XXYLT1: variants seen among roughly 807,000 people sequenced by gnomAD.
XXYLT1 encodes xyloside xylosyltransferase 1.
A neutral mutation model predicts 28.9 loss-of-function variants in XXYLT1; 20 were observed. That is an observed-to-expected ratio of 0.69 (90% CI 0.49 to 1.00). XXYLT1 has a LOEUF of 1.00. XXYLT1 is among the 50% of genes least tolerant of loss of function. The pLI, the probability that XXYLT1 is intolerant of heterozygous loss-of-function variation, is 0.00. For synonymous variants in XXYLT1, 257 were observed against 253.8 expected, an observed-to-expected ratio of 1.01 and a Z score of -0.12; for missense variants, 542 against 560.1, an observed-to-expected ratio of 0.97 and a Z score of 0.33.
At chr3:195,212,058 T>G (rs1173309303) in intron 2 of XXYLT1, among the ~76,000 whole-genome samples, 7 of 116,430 alleles carry the variant, frequency 6.0e-5, no homozygotes, top group Non-Finnish European at 1.0e-4. Flanking sequence ...CGGGAAGATC[T>G]GGAGGAGGAG....
intron 3 of XXYLT1, among the ~76,000 whole-genome samples, chr3:195,119,086 G>C (rs1425835462): frequency 6.6e-6 from 1 of 151,878 alleles, no homozygotes; most frequent in East Asian, 1.9e-4. Context: ...GACCAGCCTG[G>C]CCAGCATGGT....
chr3:195,095,444 G>A (rs1369634538), intron 3 of XXYLT1: 2 of 153,834 alleles, frequency 1.3e-5, no homozygotes, highest in Non-Finnish European at 2.9e-5. Context: ...CAGAACCTGT[G>A]CCCCATATGG....
At chr3:195,134,706 G>C (rs1437666096) in intron 3 of XXYLT1, 1 of 155,912 alleles carries the variant, frequency 6.4e-6, no homozygotes, top group African/African-American at 2.4e-5. Flanking sequence ...TCCCCGGTAA[G>C]AAATGTATGT....
intron 2 of XXYLT1, among the ~76,000 whole-genome samples, chr3:195,169,257 G>A (rs2108710760): frequency 6.6e-6 from 1 of 152,362 alleles, no homozygotes; most frequent in African/African-American, 2.4e-5. Context: ...CTCCATCCCG[G>A]CACGGCAGCC....
At chr3:195,258,268 G>A (rs1440347253) in intron 1 of XXYLT1, among the ~76,000 whole-genome samples, 6 of 152,142 alleles carry the variant, frequency 3.9e-5, no homozygotes, top group African/African-American at 1.4e-4. Context: ...CCAGGCATAG[G>A]AGCAGGCTCT....
intron 3 of XXYLT1, among the ~76,000 whole-genome samples, chr3:195,145,687 T>G (rs563766237): frequency 6.6e-6 from 1 of 152,394 alleles, no homozygotes; most frequent in East Asian, 1.9e-4. Context: ...TTCACATTTC[T>G]GAAAGTCCAT....
At chr3:195,201,907 G>C (rs767376713) in intron 2 of XXYLT1, among the ~76,000 whole-genome samples, 3 of 152,152 alleles carry the variant, frequency 2.0e-5, no homozygotes, top group East Asian at 3.8e-4. Context: ...GGCCGGGCGC[G>C]GTGGCTCACA....
At chr3:195,167,427 C>T (rs768557268) in intron 2 of XXYLT1, among the ~76,000 whole-genome samples, 2 of 152,220 alleles carry the variant, frequency 1.3e-5, no homozygotes, top group South Asian at 2.1e-4. Flanking sequence ...CCCATCTCTA[C>T]TAAAAATACA....
intron 2 of XXYLT1, among the ~76,000 whole-genome samples, chr3:195,174,923 C>T (rs955106129): frequency 1.3e-5 from 2 of 152,040 alleles, no homozygotes; most frequent in African/African-American, 4.8e-5. Context: ...CACAGTTGTA[C>T]ATCTGTTTGT....
At chr3:195,073,967 G>A (rs958528911) in intron 3 of XXYLT1, among the ~76,000 whole-genome samples, 2 of 152,128 alleles carry the variant, frequency 1.3e-5, no homozygotes, top group Non-Finnish European at 2.9e-5. Flanking sequence ...CGAGAGAGCC[G>A]GGCTGGAGAA....
chr3:195,186,776 T>C (rs73063144), intron 2 of XXYLT1, among the ~76,000 whole-genome samples: 4,973 of 152,152 alleles, frequency 0.033, 287 homozygotes, highest in African/African-American at 0.11. Flanking sequence ...CCCCATGTCC[T>C]TAGCACCTAG....
intron 2 of XXYLT1, among the ~76,000 whole-genome samples, chr3:195,225,858 C>T (rs573785941): frequency 2.5e-4 from 38 of 152,308 alleles, no homozygotes; most frequent in East Asian, 3.9e-4. Flanking sequence ...CTTGGCACTT[C>T]TCCTTGGTGT....
In XXYLT1 at chr3:195,180,038, C is replaced by T. The variant is rs1363524750; in HGVS notation, c.653-23457G>A. On this transcript the variant is annotated intron_variant, in intron 2 of 3. Transcript: ENST00000310380. This position sits in a 1 kb window ranked among gnomAD's most constrained non-coding sequence, Gnocchi z 5.8. ...CAGGCAGAGTCGGGCCAGGGTGCGG[C>T]TGAGTGACGGAGCGCCTGGTGAGGG... Among the ~76,000 whole-genome samples, 1 of 152,146 alleles carries T rather than the reference C, an allele frequency of 6.6e-6. No individual in the cohort carries two copies. Among genetic ancestry groups the T allele is most frequent in the Admixed American group, 6.5e-5 (1 of 15,280 alleles).
chr3:195,103,372 T>G (rs1161744168), intron 3 of XXYLT1, among the ~76,000 whole-genome samples: 2 of 150,856 alleles, frequency 1.3e-5, no homozygotes, highest in African/African-American at 4.9e-5. Flanking sequence ...GCCAGCGGCC[T>G]GCGTCCATCA....
In XXYLT1 at chr3:195,069,762, C is replaced by T. The variant is rs570090519; in HGVS notation, c.1135G>A (p.Val379Ile). The T allele has an allele frequency of 9.9e-6, 16 of 1,613,982 alleles. No individual in the cohort carries two copies. Among genetic ancestry groups the T allele is most frequent in the South Asian group, 8.8e-5 (8 of 91,080 alleles). Reference sequence around the variant, plus strand: ...TTGCAGTTCCCGTGGTAGATCTTGACGTGGCCCTCACACCTGAAATAGGCC... The same window carrying T: ...TTGCAGTTCCCGTGGTAGATCTTGATGTGGCCCTCACACCTGAAATAGGCC... ...FEAYFRCEGH[V>I]KIYHGNCNTP... is the part of the protein sequence containing the mutation. The change falls in exon 4 of 4, where the codon GTC (valine) becomes ATC (isoleucine). Residue 379 changes from valine to isoleucine, a missense_variant. Physicochemically the swap from Val to Ile is conservative, Grantham distance 29. Coordinates refer to ENST00000310380, the MANE Select transcript of XXYLT1 (RefSeq NM_152531.5).
intron 3 of XXYLT1, among the ~76,000 whole-genome samples, chr3:195,098,759 C>T (rs2108673679): frequency 6.6e-6 from 1 of 152,302 alleles, no homozygotes; most frequent in Admixed American, 6.5e-5. Flanking sequence ...ACAGTTAAGG[C>T]CCTGGTGCCT....
intron 1 of XXYLT1, among the ~76,000 whole-genome samples, chr3:195,246,271 G>C (rs1577193265): frequency 6.6e-6 from 1 of 152,242 alleles, no homozygotes; most frequent in Admixed American, 6.5e-5. Flanking sequence ...ACGACTGGAA[G>C]AAAGAAGACC....
intron 3 of XXYLT1, among the ~76,000 whole-genome samples, chr3:195,145,265 G>A (rs893989261): frequency 1.4e-5 from 2 of 140,600 alleles, no homozygotes. Flanking sequence ...AAGATCAAGT[G>A]GAAGCCACGT....
At chr3:195,233,333 T>G (rs1487565904) in intron 1 of XXYLT1, among the ~76,000 whole-genome samples, 5 of 152,188 alleles carry the variant, frequency 3.3e-5, no homozygotes, top group Non-Finnish European at 7.3e-5. Context: ...TCACTCTTTG[T>G]CTTTTGATTG....
Sources: gnomAD v4.1 joint callset for allele counts (sites outside exome capture counted in the v4.1 genomes callset) on GRCh38, gnomAD v4.1.1 for gene constraint, Gnocchi (gnomAD v3.1) non-coding constraint, MANE v1.5 for transcripts, NCBI Gene and HGNC (gene_info 2026-07-23, HGNC 2026-07-21) for gene names.